Variants in RASSF8 observed in about 807,000 individuals in gnomAD.
RASSF8 encodes the protein Ras association domain family member 8.
Under a neutral mutation model 48.5 loss-of-function variants are expected in RASSF8, and 22 were observed. The observed-to-expected ratio is 0.45, with a 90% confidence interval of 0.32 to 0.65. The LOEUF (loss-of-function observed/expected upper bound fraction) is 0.65. Among genes scored for constraint, RASSF8 ranks in the 30% least tolerant of loss-of-function variants. The pLI is 0.03. For synonymous variants in RASSF8, 127 were observed against 171.5 expected (o/e 0.74, Z 2.03); for missense variants, 418 against 489.2 (o/e 0.85, Z 1.37).
At chr12:26,013,381 T>C (rs1046180749) in intron 2 of RASSF8, among the ~76,000 whole-genome samples, 1 of 152,318 alleles carries the variant, frequency 6.6e-6, no homozygotes, top group East Asian at 1.9e-4. Flanking sequence ...GAGATATCCT[T>C]ATAGATGAAG....
At chr12:26,017,482 C>T (rs958252640) in intron 2 of RASSF8, among the ~76,000 whole-genome samples, 1 of 152,172 alleles carries the variant, frequency 6.6e-6, no homozygotes, top group Non-Finnish European at 1.5e-5. Context: ...GAAGAGGCCC[C>T]CTGGGACTGT....
chr12:26,045,369 G>T (rs1018904153), intron 2 of RASSF8, among the ~76,000 whole-genome samples: 4 of 152,146 alleles, frequency 2.6e-5, no homozygotes, highest in Non-Finnish European at 5.9e-5. Flanking sequence ...TAACATTGAA[G>T]TCCAATAGAA....
At chr12:25,980,473 C>T (rs1474100326) in intron 1 of RASSF8, among the ~76,000 whole-genome samples, 1 of 152,172 alleles carries the variant, frequency 6.6e-6, no homozygotes, top group Non-Finnish European at 1.5e-5. Flanking sequence ...CACTGGAATT[C>T]CAGAGACTGC....
At chr12:25,964,085 C>T (rs570928413) in intron 1 of RASSF8, among the ~76,000 whole-genome samples, 2 of 152,130 alleles carry the variant, frequency 1.3e-5, no homozygotes, top group African/African-American at 2.4e-5. Context: ...GCAGGACATT[C>T]GCATCACGAG....
rs1035793774 is a variant in RASSF8, at chr12:25,970,097, C to CTT, written c.-203+10962_-203+10963dup. 3.5e-3 allele frequency among the ~76,000 whole-genome samples: 503 copies of CTT among 142,848 alleles called. 2 individuals are homozygous for CTT. The highest frequency in any genetic ancestry group is 0.012 in the African/African-American group (457 of 38,980). The allele number at this position is 142,848 out of a possible 152,430, so 93.7% of individuals were successfully genotyped here. ...CTCTCTTTCTTCCTGTACGACCCCA[C>CTT]TTTTTTTTTTTTTTGGTGAGAGGTT... is the stretch of plus-strand genomic sequence containing the variant. On this transcript the variant is annotated intron_variant, in intron 1 of 5. Coordinates refer to ENST00000689635, the MANE Select transcript of RASSF8 (RefSeq NM_001394098.1).
intron 2 of RASSF8, among the ~76,000 whole-genome samples, chr12:25,996,853 C>T (rs981415468): frequency 6.6e-6 from 1 of 152,162 alleles, no homozygotes; most frequent in African/African-American, 2.4e-5. Context: ...GAGGGACTTC[C>T]CTAAACCTTT....
intron 2 of RASSF8, among the ~76,000 whole-genome samples, chr12:26,027,460 A>G (rs1157055703): frequency 1.3e-5 from 2 of 152,254 alleles, no homozygotes; most frequent in African/African-American, 4.8e-5. Flanking sequence ...GCCCTCACTT[A>G]AGAGTTGGCC....
intron 3 of RASSF8, among the ~76,000 whole-genome samples, chr12:26,060,658 C>T (rs2036095): frequency 0.96 from 146,851 of 152,272 alleles, 70,896 homozygotes; most frequent in South Asian, 0.99. Context: ...TAAGTCATTA[C>T]GGAAAAAGCT....
intron 5 of RASSF8, among the ~76,000 whole-genome samples, chr12:26,078,448 T>C (rs1206962584): frequency 2.0e-5 from 3 of 152,214 alleles, no homozygotes. Flanking sequence ...CTGAGAAGCC[T>C]GGGAGGCCTC....
downstream of RASSF8, among the ~76,000 whole-genome samples, chr12:26,073,730 A>ACTCTCTCTCTCTCT (rs1555171917): frequency 1.2e-4 from 16 of 138,248 alleles, no homozygotes; most frequent in East Asian, 3.0e-3. Context: ...CAAAAGCGAG[A>ACTCTCTCTCTCTCT]CTCTCTCTCT....
intron 1 of RASSF8, among the ~76,000 whole-genome samples, chr12:25,985,092 C>T (rs1312529118): frequency 6.6e-6 from 1 of 152,172 alleles, no homozygotes; most frequent in Non-Finnish European, 1.5e-5. Context: ...TTTGACTCCC[C>T]TGGATTGGCC....
At chr12:25,961,100 C>A (rs192730640) in intron 1 of RASSF8, among the ~76,000 whole-genome samples, 1 of 152,138 alleles carries the variant, frequency 6.6e-6, no homozygotes, top group Non-Finnish European at 1.5e-5. Context: ...TGACTTACGT[C>A]AGTTTTTGAC....
At position 26,069,630 on chromosome 12, in the gene RASSF8, T is replaced by C. The variant is rs903462976; in HGVS notation, c.*812T>C. The C allele has an allele frequency of 1.0e-6, 1 of 985,332 alleles. No homozygotes were observed. Among genetic ancestry groups the C allele is most frequent in the African/African-American group, 1.7e-5 (1 of 57,258 alleles). 61.0% of individuals were successfully genotyped at this position (985,332 alleles called of 1,614,324 possible). On this transcript the variant is annotated 3_prime_UTR_variant, in exon 6 of 6. Transcript: ENST00000689635. The stretch of plus-strand genomic sequence containing the variant: ...CCTGATACATTATGTGTTTTGTTTC[T>C]GCCCTGTCTTATCATTTACACTCAT...
intron 2 of RASSF8, among the ~76,000 whole-genome samples, chr12:26,035,955 T>C (rs1385208941): frequency 2.7e-5 from 4 of 146,838 alleles, no homozygotes; most frequent in Non-Finnish European, 6.0e-5. Context: ...TTTTATATAT[T>C]ATATATTTAT....
intron 1 of RASSF8, among the ~76,000 whole-genome samples, chr12:25,986,691 C>A (rs530268665): frequency 6.6e-6 from 1 of 152,246 alleles, no homozygotes; most frequent in South Asian, 2.1e-4. Flanking sequence ...TGACTCCTTC[C>A]ATGTGTTTCT....
intron 2 of RASSF8, among the ~76,000 whole-genome samples, chr12:26,022,491 A>G (rs1027082838): frequency 6.6e-6 from 1 of 152,208 alleles, no homozygotes; most frequent in Non-Finnish European, 1.5e-5. Context: ...CCCCATACAC[A>G]AGAAAAACAG....
intron 2 of RASSF8, among the ~76,000 whole-genome samples, chr12:26,035,604 TTA>T (rs912610013): frequency 1.8e-4 from 26 of 141,320 alleles, no homozygotes; most frequent in African/African-American, 6.1e-4. Flanking sequence ...GTATACATAA[TTA>T]TATATATAAT....
intron 1 of RASSF8, among the ~76,000 whole-genome samples, chr12:25,960,675 TTCC>T (rs1432291320): frequency 2.0e-5 from 3 of 152,350 alleles, no homozygotes; most frequent in African/African-American, 4.8e-5. Context: ...CCTCATTTTT[TTCC>T]TCAAGAGTCT....
chr12:26,068,937 C>G lies in RASSF8; in HGVS notation c.*119C>G. On this transcript the variant is annotated 3_prime_UTR_variant, in exon 6 of 6. Transcript: ENST00000689635. ...CCACAAGACGCTGTATGTTTTTTCT[C>G]TCCTAAATTGCATACCACTTGGAGC... The G allele has an allele frequency of 1.4e-6, 2 of 1,450,526 alleles. No homozygotes were observed. The highest frequency in any genetic ancestry group is 1.8e-6 in the Non-Finnish European group (2 of 1,103,774). The allele number at this position is 1,450,526 out of a possible 1,614,324, so 89.9% of individuals were successfully genotyped here.
Sources: allele counts gnomAD v4.1 joint callset (sites outside exome capture counted in the v4.1 genomes callset), GRCh38; gene constraint gnomAD v4.1.1; transcripts MANE v1.5; gene names NCBI Gene and HGNC (gene_info 2026-07-23, HGNC 2026-07-21).